Variants in CTSZ observed in about 807,000 individuals in gnomAD.
The protein encoded by CTSZ is cathepsin Z.
Under a neutral mutation model 32.4 loss-of-function variants are expected in CTSZ, and 39 were observed. The observed-to-expected ratio is 1.20, with a 90% CI of 0.93 to 1.57. The LOEUF is 1.57. Ranked by LOEUF, CTSZ falls within the 40% of genes most tolerant of loss-of-function variation. CTSZ has a pLI of 0.00. For synonymous variants in CTSZ, 168 were observed against 170.1 expected (o/e 0.99, Z 0.10); for missense variants, 397 against 419.6 (o/e 0.95, Z 0.47).
intron 2 of CTSZ, among the ~76,000 whole-genome samples, chr20:59,005,650 C>A (rs1242348219): frequency 6.6e-6 from 1 of 152,234 alleles, no homozygotes; most frequent in Non-Finnish European, 1.5e-5. Flanking sequence ...CAGGGGAAAT[C>A]CAGGCTCCTG....
At chr20:59,000,068 CAAAAA>C (rs756514968) in intron 3 of CTSZ, among the ~76,000 whole-genome samples, 25 of 68,960 alleles carry the variant, frequency 3.6e-4, no homozygotes, top group South Asian at 1.6e-3. Context: ...GACTCCGTCT[CAAAAA>C]AAAAAAACAA....
rs368429073 is a variant in CTSZ, at chr20:58,998,552, A to AAAAAAAAAAGAAAG, written c.488-800_488-799insCTTTCTTTTTTTTT. Among the ~76,000 whole-genome samples the AAAAAAAAAAGAAAG allele has an allele frequency of 1.2e-4, 18 of 145,352 alleles. 1 individual carries two copies. Among genetic ancestry groups the AAAAAAAAAAGAAAG allele is most frequent in the South Asian group, 4.4e-4 (2 of 4,578 alleles). ...CAAGAGCGAGACTCCGTCTCAAAAAAAAAGAAAGAAAGAAAGAAAGAAAGG... is the reference window on the plus strand; with the variant it reads ...CAAGAGCGAGACTCCGTCTCAAAAAAAAAAAAAAAGAAAGAAAGAAAGAAAGAAAGAAAGAAAGG... On this transcript the variant is annotated intron_variant, in intron 3 of 5. Transcript: ENST00000217131.
Position 59,006,932 on chromosome 20 carries a change from G to T in CTSZ, c.143+54C>A, listed in dbSNP as rs1326374590. 9 of 1,340,954 alleles carry T rather than the reference G, an allele frequency of 6.7e-6. No homozygotes were observed. The African/African-American group carries it at 1.2e-4, about 18-fold the overall frequency. The allele number at this position is 1,340,954 out of a possible 1,614,324, so 83.1% of individuals were successfully genotyped here. On this transcript the variant is annotated intron_variant, in intron 1 of 5. Coordinates refer to ENST00000217131, the MANE Select transcript of CTSZ (RefSeq NM_001336.4). ...CCCCAGGAGGCAGAGCGCGCGCCTG[G>T]CCCGGGCGATGGGCCTCCCGTCCCC...
intron 4 of CTSZ, 24 bp downstream of exon 4, chr20:58,997,579 T>C: frequency 6.6e-7 from 1 of 1,519,896 alleles, no homozygotes. Context: ...CAAACCTCTC[T>C]TTGCCCGCGG....
At chr20:58,998,670 C>T (rs1034620391) in intron 3 of CTSZ, among the ~76,000 whole-genome samples, 4 of 152,122 alleles carry the variant, frequency 2.6e-5, no homozygotes, top group Admixed American at 6.5e-5. Context: ...CCAGCCTGGA[C>T]AACAGAGCGA....
Position 58,996,796 on chromosome 20 carries a change from C to T in CTSZ, c.644G>A (p.Gly215Glu). 2 of 1,613,950 alleles carry T rather than the reference C, an allele frequency of 1.2e-6. No individual in the cohort carries two copies. The highest frequency in any genetic ancestry group is 1.3e-5 in the African/African-American group (1 of 75,026). ...AGCCAGTCTTTCTGTTGCCATTATTCCACAGCTGAGAGCAAGCAGTTAAAG... is the reference window on the plus strand; with the variant it reads ...AGCCAGTCTTTCTGTTGCCATTATTTCACAGCTGAGAGCAAGCAGTTAAAG... ...EIYANGPISC[G>E]IMATERLANY... The change falls in exon 5 of 6, where the codon GGA becomes GAA. Residue 215 changes from glycine to glutamate, a missense_variant. Physicochemically the swap from Gly to Glu is moderately conservative, Grantham distance 98. Transcript: ENST00000217131.
intron 3 of CTSZ, among the ~76,000 whole-genome samples, chr20:58,998,184 C>G (rs1265662919): frequency 6.6e-6 from 1 of 151,842 alleles, no homozygotes. Flanking sequence ...TCTTCTGTGC[C>G]CACGCTGAGG....
chr20:58,999,967 G>T (rs1213366335), intron 3 of CTSZ, among the ~76,000 whole-genome samples: 1 of 152,238 alleles, frequency 6.6e-6, no homozygotes, highest in Non-Finnish European at 1.5e-5. Context: ...TACTCCGGAG[G>T]CTGAGGCAGG....
Position 59,006,494 on chromosome 20 carries a change from A to T in CTSZ, c.144-9T>A. The T allele has an allele frequency of 6.2e-7, 1 of 1,607,836 alleles. No individual in the cohort carries two copies. Among genetic ancestry groups the T allele is most frequent in the Non-Finnish European group, 8.5e-7 (1 of 1,177,644 alleles). On this transcript the variant is annotated splice_polypyrimidine_tract_variant and intron_variant, in intron 1 of 5. Coordinates refer to ENST00000217131, the MANE Select transcript of CTSZ (RefSeq NM_001336.4). ...GAGGCCGGGGGTATGTGCTGAGAAG[A>T]GATCATCCCCACCCAGATCGGTGCT...
In CTSZ at chr20:59,006,980, GC is replaced by G; in HGVS notation, c.143+5del. 2 of 1,440,810 alleles carry G rather than the reference GC, an allele frequency of 1.4e-6. No homozygotes were observed. The highest frequency in any genetic ancestry group is 1.8e-6 in the Non-Finnish European group (2 of 1,104,844). The allele number at this position is 1,440,810 out of a possible 1,614,324, so 89.3% of individuals were successfully genotyped here. ...CCCCCAGGGCTGCCTCCCCGCCGGT[GC>G]CCACCTGCGCCCCAGCGGAGCCAGC... On this transcript the variant is annotated splice_donor_5th_base_variant and intron_variant, in intron 1 of 5. Coordinates refer to ENST00000217131, the MANE Select transcript of CTSZ (RefSeq NM_001336.4).
chr20:59,000,503 G>T (rs2091884290), intron 3 of CTSZ, among the ~76,000 whole-genome samples: 1 of 152,228 alleles, frequency 6.6e-6, no homozygotes, highest in Non-Finnish European at 1.5e-5. Context: ...TTCCAGGCTA[G>T]CTTGGGTCTG....
intron 3 of CTSZ, among the ~76,000 whole-genome samples, chr20:58,999,148 G>A (rs1415487921): frequency 6.6e-6 from 1 of 151,974 alleles, no homozygotes; most frequent in African/African-American, 2.4e-5. Flanking sequence ...TGATTCTCCT[G>A]CCTTAGCCTC....
rs557073900 is a variant in CTSZ, at chr20:59,002,886, C to T, written c.308-1242G>A. Among the ~76,000 whole-genome samples the T allele has an allele frequency of 6.6e-6, 1 of 152,092 alleles. No homozygotes were observed. The highest frequency in any genetic ancestry group is 2.4e-5 in the African/African-American group (1 of 41,414). ...CCCCGCTCCCTTGTCAGCTATGCCC[C>T]CTCTAAGCAGATCTGCACACCCCAA... On this transcript the variant is annotated intron_variant, in intron 2 of 5. Transcript: ENST00000217131. This position sits in a 1 kb window ranked among gnomAD's most constrained non-coding sequence, Gnocchi z 4.1.
At position 59,007,119 on chromosome 20, in the gene CTSZ, G is replaced by T. The variant is rs2091912433; in HGVS notation, c.10C>A (p.Arg4Ser). 7.2e-7 allele frequency: 1 copy of T among 1,391,640 alleles called. No individual in the cohort carries two copies. Among genetic ancestry groups the T allele is most frequent in the Admixed American group, 3.3e-5 (1 of 30,522 alleles). 86.2% of individuals were successfully genotyped at this position (1,391,640 alleles called of 1,614,324 possible). ...AGAAGCGGCCGCCACCCTGGCCCGC[G>T]CCTCGCCATGGCCCCGCGCCGGCTC... MARRGPGWRPLLLL... is the reference protein window; with the variant it reads MARSGPGWRPLLLL... Residue 4 changes from arginine (R) to serine (S), a missense_variant, in exon 1 of 6, where the codon CGC becomes AGC. By Grantham distance (110) the Arg-to-Ser change is moderately radical. Transcript: ENST00000217131.
Position 58,996,681 on chromosome 20 carries a change from C to G in CTSZ, c.759G>C (p.Gly253=). 1.9e-6 allele frequency: 3 copies of G among 1,614,160 alleles called. No homozygotes were observed. Among genetic ancestry groups the G allele is most frequent in the Non-Finnish European group, 2.5e-6 (3 of 1,180,018 alleles). The change falls in exon 5 of 6, where the codon GGG becomes GGC. Residue 253 remains glycine (G), a synonymous_variant. Coordinates refer to ENST00000217131, the MANE Select transcript of CTSZ (RefSeq NM_001336.4). The part of the protein sequence containing the change: ...VSVAGWGISD[G]TEYWIVRNSW... ...AATTCCGGACAATCCAGTACTCAGT[C>G]CCATCACTGATGCCCCACCCAGCCA...
intron 4 of CTSZ, among the ~76,000 whole-genome samples, chr20:58,997,236 G>A (rs999920869): frequency 1.3e-5 from 2 of 151,758 alleles, no homozygotes; most frequent in Non-Finnish European, 2.9e-5. Flanking sequence ...ATATCTGACG[G>A]TTCTGGATAA....
At position 58,997,581 on chromosome 20, in the gene CTSZ, T is replaced by G. The variant is rs200612287; in HGVS notation, c.638+22A>C. On this transcript the variant is annotated intron_variant, in intron 4 of 5. Coordinates refer to ENST00000217131, the MANE Select transcript of CTSZ (RefSeq NM_001336.4). ...CTTTCCTCACCCGCAAACCTCTCTT[T>G]GCCCGCGGGACCTCTCCTCACCTGA... 5.9e-5 allele frequency: 90 copies of G among 1,522,338 alleles called. No individual in the cohort carries two copies. The African/African-American group carries it at 1.2e-3, about 21-fold the overall frequency. The allele number at this position is 1,522,338 out of a possible 1,614,324, so 94.3% of individuals were successfully genotyped here. A position where few individuals can be genotyped will look rare whatever the true frequency, so the allele number is the denominator to read the frequency against.
chr20:58,998,540 C>A (rs2091871968), intron 3 of CTSZ, among the ~76,000 whole-genome samples: 1 of 84,228 alleles, frequency 1.2e-5, no homozygotes, highest in African/African-American at 5.0e-5. Flanking sequence ...GAGCGAGACT[C>A]CGTCTCAAAA....
In CTSZ at chr20:59,004,172, C is replaced by T. The variant is rs2091900389; in HGVS notation, c.307+2150G>A. On this transcript the variant is annotated intron_variant, in intron 2 of 5. Transcript: ENST00000217131. This position sits in a 1 kb window ranked among gnomAD's most constrained non-coding sequence, Gnocchi z 5.6. ...GGGGAAGAAATGGGCTGTCAGGTGA[C>T]AGTAGTGGAAGGAGCCATCCAGACC... is the stretch of plus-strand genomic sequence containing the variant. Among the ~76,000 whole-genome samples, 2 of 152,056 alleles carry T rather than the reference C, an allele frequency of 1.3e-5. No individual in the cohort carries two copies.
Sources: gnomAD v4.1 joint callset for allele counts (sites outside exome capture counted in the v4.1 genomes callset) on GRCh38, gnomAD v4.1.1 for gene constraint, Gnocchi (gnomAD v3.1) non-coding constraint, MANE v1.5 for transcripts, NCBI Gene and HGNC (gene_info 2026-07-23, HGNC 2026-07-21) for gene names.